DNAJB14: variants seen among roughly 807,000 people sequenced by gnomAD.
DNAJB14 encodes the protein DnaJ heat shock protein family (Hsp40) member B14.
Under a neutral mutation model 48.4 loss-of-function variants are expected in DNAJB14, and 22 were observed. The observed-to-expected ratio is 0.45, with a 90% CI of 0.32 to 0.65. The LOEUF (loss-of-function observed/expected upper bound fraction) is 0.65. DNAJB14 is among the 30% of genes least tolerant of loss of function. The pLI, the probability that DNAJB14 is intolerant of heterozygous loss-of-function variation, is 0.03. For missense variants in DNAJB14, 319 were observed against 458.8 expected, an observed-to-expected ratio of 0.70 and a Z score of 2.78; for synonymous variants, 142 against 158.7, an observed-to-expected ratio of 0.89 and a Z score of 0.79.
intron 5 of DNAJB14, chr4:99,906,156 A>G: frequency 7.6e-7 from 1 of 1,323,364 alleles, no homozygotes; most frequent in Non-Finnish European, 9.9e-7. Context: ...TTAAATTGCT[A>G]TAGGCAATTA....
At position 99,906,608 on chromosome 4, in the gene DNAJB14, C is replaced by G; in HGVS notation, c.641G>C (p.Ser214Thr). 1.2e-6 allele frequency: 2 copies of G among 1,610,186 alleles called. No individual in the cohort carries two copies. The highest frequency in any genetic ancestry group is 1.7e-6 in the Non-Finnish European group (2 of 1,178,614). Residue 214 changes from serine to threonine, a missense_variant, in exon 5 of 8, where the codon AGT becomes ACT. Physicochemically the swap from Ser to Thr is moderately conservative, Grantham distance 58. This residue lies in a region of DNAJB14 where 166 missense variants were observed against 236.3 expected (regional missense o/e 0.70). Transcript: ENST00000442697. ...IFFGGGFPSG[S>T]VHSFSNGRAG... is the part of the protein sequence containing the mutation. Reference sequence around the variant, plus strand: ...TCTTCCATTTGAAAAAGAATGTACACTACCTAAAAAATTAAAAGCAAGGTT... The same window carrying G: ...TCTTCCATTTGAAAAAGAATGTACAGTACCTAAAAAATTAAAAGCAAGGTT...
chr4:99,940,962 G>T (rs28568504), intron 1 of DNAJB14, among the ~76,000 whole-genome samples: 64,045 of 145,830 alleles, frequency 0.44, 14,567 homozygotes, highest in African/African-American at 0.61. Flanking sequence ...TTTTTTTTTT[G>T]GAACACTTGG....
rs1725245421 is a variant in DNAJB14, at chr4:99,900,055, A to C, written c.*973T>G. On this transcript the variant is annotated 3_prime_UTR_variant, in exon 8 of 8. Transcript: ENST00000442697. ...GTTGGCATAGGGTTAAAAGGCACAAAGCTGTATTTTAGTACTCATTTTTCT... is the reference window on the plus strand; with the variant it reads ...GTTGGCATAGGGTTAAAAGGCACAACGCTGTATTTTAGTACTCATTTTTCT... 1 of 152,422 alleles carries C rather than the reference A, an allele frequency of 6.6e-6. No homozygotes were observed. Among genetic ancestry groups the C allele is most frequent in the African/African-American group, 2.4e-5 (1 of 41,428 alleles). The allele number at this position is 152,422 out of a possible 1,614,324, so 9.4% of individuals were successfully genotyped here.
chr4:99,926,034 T>A (rs1726237925), intron 2 of DNAJB14: 3 of 152,176 alleles, frequency 2.0e-5, no homozygotes, highest in African/African-American at 7.2e-5. Context: ...CTTTTGGTGC[T>A]GAGCACACCT....
At position 99,896,274 on chromosome 4, in the gene DNAJB14, T is replaced by C. The variant is rs1245167106; in HGVS notation, c.*4754A>G. On this transcript the variant is annotated 3_prime_UTR_variant, in exon 8 of 8. Coordinates refer to ENST00000442697, the MANE Select transcript of DNAJB14 (RefSeq NM_001031723.4). ...TTTACAGTGAGAACAGACCTTTTTATTAATATATTGAGATAAACTACAGAG... is the reference window on the plus strand; with the variant it reads ...TTTACAGTGAGAACAGACCTTTTTACTAATATATTGAGATAAACTACAGAG... 1.3e-5 allele frequency: 2 copies of C among 152,152 alleles called. No homozygotes were observed. The highest frequency in any genetic ancestry group is 2.1e-4 in the South Asian group (1 of 4,828). The allele number at this position is 152,152 out of a possible 1,614,324, so 9.4% of individuals were successfully genotyped here.
At chr4:99,936,470 A>C (rs190079834) in intron 1 of DNAJB14, among the ~76,000 whole-genome samples, 1 of 152,342 alleles carries the variant, frequency 6.6e-6, no homozygotes, top group East Asian at 1.9e-4. Flanking sequence ...AAATATACAT[A>C]CATGCATTCA....
rs140678806 is a variant in DNAJB14 at position 99,899,932 on chromosome 4, T to C, written c.*1096A>G. On this transcript the variant is annotated 3_prime_UTR_variant, in exon 8 of 8. Coordinates refer to ENST00000442697, the MANE Select transcript of DNAJB14 (RefSeq NM_001031723.4). ...AAGGATGACTTGCTTTAAGTTACTA[T>C]TCTACGTGCTGCTCTATTTCTGCTC... is the stretch of plus-strand genomic sequence containing the variant. 0.02 allele frequency: 3,072 copies of C among 152,494 alleles called. 43 individuals are homozygous for C. The highest frequency in any genetic ancestry group is 0.031 in the Middle Eastern group (9 of 294). The allele number at this position is 152,494 out of a possible 1,614,324, so 9.4% of individuals were successfully genotyped here.
At chr4:99,939,056 G>A (rs1010865266) in intron 1 of DNAJB14, among the ~76,000 whole-genome samples, 5 of 152,074 alleles carry the variant, frequency 3.3e-5, no homozygotes, top group African/African-American at 1.2e-4. Flanking sequence ...GGTTATATAT[G>A]TTTAATATTT....
chr4:99,939,786 C>T (rs1025967144), intron 1 of DNAJB14, among the ~76,000 whole-genome samples: 1 of 152,212 alleles, frequency 6.6e-6, no homozygotes, highest in African/African-American at 2.4e-5. Flanking sequence ...ATCACTGGAA[C>T]TGATGCCTAA....
At chr4:99,938,589 G>C (rs1024767004) in intron 1 of DNAJB14, among the ~76,000 whole-genome samples, 2 of 151,922 alleles carry the variant, frequency 1.3e-5, no homozygotes, top group Non-Finnish European at 2.9e-5. Flanking sequence ...AAGAGAAAGA[G>C]AGAAGGGTAG....
intron 2 of DNAJB14, chr4:99,925,773 G>A (rs1361642098): frequency 2.0e-5 from 3 of 152,034 alleles, no homozygotes; most frequent in African/African-American, 7.2e-5. Context: ...ATAAATATCT[G>A]GAGAAAAATA....
At chr4:99,921,435 G>A (rs1454362309) in intron 3 of DNAJB14, among the ~76,000 whole-genome samples, 1 of 152,062 alleles carries the variant, frequency 6.6e-6, no homozygotes, top group Non-Finnish European at 1.5e-5. Context: ...TATTCAAAAC[G>A]CAACACAGGC....
In DNAJB14 at chr4:99,903,835, CTTG is replaced by C; in HGVS notation, c.903_905del (p.Asn301del). On this transcript the variant is annotated inframe_deletion, in exon 7 of 8. Transcript: ENST00000442697. Reference sequence around the variant, plus strand: ...TTCCTTTATATTCATTTTTGAAGTCCTTGTTGACATAATAAACAACACCCAAGT... The same window carrying C: ...TTCCTTTATATTCATTTTTGAAGTCCTTGACATAATAAACAACACCCAAGT... 6.2e-7 allele frequency: 1 copy of C among 1,612,710 alleles called. No homozygotes were observed. The highest frequency in any genetic ancestry group is 8.5e-7 in the Non-Finnish European group (1 of 1,179,324).
chr4:99,907,681 T>TA (rs895171643), intron 4 of DNAJB14, among the ~76,000 whole-genome samples: 10 of 151,906 alleles, frequency 6.6e-5, no homozygotes, highest in Non-Finnish European at 2.9e-5. Flanking sequence ...CTGTCTCTAT[T>TA]AAAAAATAGA....
intron 3 of DNAJB14, 66 bp from the exon 4 acceptor site, chr4:99,908,962 A>C: frequency 3.5e-6 from 4 of 1,157,046 alleles, no homozygotes; most frequent in Non-Finnish European, 4.7e-6. Flanking sequence ...GCCCCACATA[A>C]AAACTAACAT....
chr4:99,924,887 C>T (rs776882603), intron 2 of DNAJB14: 73 of 1,120,382 alleles, frequency 6.5e-5, no homozygotes, highest in Non-Finnish European at 8.6e-5. Flanking sequence ...GATTTTGCCT[C>T]TAGGCAAAAA....
intron 3 of DNAJB14, among the ~76,000 whole-genome samples, chr4:99,910,077 G>C (rs2110197463): frequency 6.6e-6 from 1 of 152,104 alleles, no homozygotes; most frequent in African/African-American, 2.4e-5. Flanking sequence ...TCATTAGGTA[G>C]TTGTTTTTGG....
intron 3 of DNAJB14, among the ~76,000 whole-genome samples, chr4:99,920,061 T>C (rs980121294): frequency 3.3e-5 from 5 of 152,220 alleles, no homozygotes; most frequent in African/African-American, 9.6e-5. Flanking sequence ...CCTGGGTAAA[T>C]CTGAGTCTCA....
At chr4:99,922,260 A>G (rs1726088550) in intron 3 of DNAJB14, among the ~76,000 whole-genome samples, 1 of 152,196 alleles carries the variant, frequency 6.6e-6, no homozygotes, top group African/African-American at 2.4e-5. Context: ...CCTTTTTGGA[A>G]GATGTTTAAA....
Sources: allele counts gnomAD v4.1 joint callset (sites outside exome capture counted in the v4.1 genomes callset), GRCh38; gene constraint gnomAD v4.1.1; regional missense constraint gnomAD v4.1.1; transcripts MANE v1.5; gene names NCBI Gene and HGNC (gene_info 2026-07-23, HGNC 2026-07-21).